RNGTT: variants seen among roughly 807,000 people sequenced by gnomAD.
RNGTT encodes the protein mRNA-capping enzyme.
A neutral mutation model predicts 79.3 loss-of-function variants in RNGTT; 33 were observed. The observed-to-expected ratio is 0.42, with a 90% CI of 0.32 to 0.56. RNGTT has a LOEUF of 0.56. Ranked by LOEUF, RNGTT falls within the 20% of genes least tolerant of loss-of-function variation. The probability of loss-of-function intolerance (pLI) is 0.17; values close to 1 mark genes in which losing one functional copy is unlikely to be tolerated. For synonymous variants in RNGTT, 222 were observed against 235.9 expected (o/e 0.94, Z 0.54); for missense variants, 497 against 739.1 (o/e 0.67, Z 3.80).
intron 13 of RNGTT, among the ~76,000 whole-genome samples, chr6:88,749,510 A>G (rs1777773983): frequency 6.6e-6 from 1 of 152,062 alleles, no homozygotes; most frequent in Admixed American, 6.6e-5. Flanking sequence ...AAAAGGCAAG[A>G]AAGAGGGAAA....
At position 88,735,579 on chromosome 6, in the gene RNGTT, AAAAG is replaced by A. The variant is rs1290023806; in HGVS notation, c.1439+34191_1439+34194del. Among the ~76,000 whole-genome samples, 646 of 151,550 alleles carry A rather than the reference AAAAG, an allele frequency of 4.3e-3. 2 individuals carry two copies. The highest frequency in any genetic ancestry group is 0.015 in the African/African-American group (610 of 41,442). On this transcript the variant is annotated intron_variant, in intron 13 of 15. Coordinates refer to ENST00000369485, the MANE Select transcript of RNGTT (RefSeq NM_003800.5). ...ATAACACGAGTGTTAAAAAAAAAAA[AAAAG>A]AAAGAAAGAAAAAGAAAAAGCAGTC... is the stretch of plus-strand genomic sequence containing the variant.
intron 1 of RNGTT, among the ~76,000 whole-genome samples, chr6:88,946,878 G>A (rs1451161225): frequency 1.5e-5 from 2 of 136,332 alleles, no homozygotes; most frequent in African/African-American, 2.8e-5. Flanking sequence ...GCCCCTAACC[G>A]CGAGTGATCC....
chr6:88,930,125 CACGTATACAT>C (rs1365016675), intron 2 of RNGTT, among the ~76,000 whole-genome samples: 1 of 136,878 alleles, frequency 7.3e-6, no homozygotes, highest in Non-Finnish European at 1.5e-5. Context: ...TACATATATA[CACGTATACAT>C]ACATATACAT....
chr6:88,959,638 A>G (rs1416308729), intron 1 of RNGTT, among the ~76,000 whole-genome samples: 2 of 152,176 alleles, frequency 1.3e-5, no homozygotes, highest in Non-Finnish European at 2.9e-5. Flanking sequence ...CCTGGACTAC[A>G]ACAAGTTCCT....
chr6:88,796,043 GC>G lies in RNGTT; in HGVS notation c.1338+5520del, dbSNP rs546692955. Among the ~76,000 whole-genome samples the G allele has an allele frequency of 7.7e-4, 117 of 152,096 alleles. 1 individual carries two copies. Among genetic ancestry groups the G allele is most frequent in the Non-Finnish European group, 1.3e-3 (89 of 68,030 alleles). On this transcript the variant is annotated intron_variant, in intron 12 of 15. Transcript: ENST00000369485. ...CCTGCACTATCTACTTACACACATGGCCACTGAGCACTTGAACAGTGGCAAG... is the reference window on the plus strand; with the variant it reads ...CCTGCACTATCTACTTACACACATGGCACTGAGCACTTGAACAGTGGCAAG...
intron 14 of RNGTT, among the ~76,000 whole-genome samples, chr6:88,671,039 G>T (rs144839945): frequency 0.02 from 3,102 of 152,162 alleles, 115 homozygotes; most frequent in African/African-American, 0.069. Context: ...CCTGAGAACT[G>T]GAATAAGACA....
At chr6:88,876,873 C>CT (rs1376781392) in intron 8 of RNGTT, among the ~76,000 whole-genome samples, 1 of 152,168 alleles carries the variant, frequency 6.6e-6, no homozygotes, top group Admixed American at 6.5e-5. Flanking sequence ...CTGCTCAGCT[C>CT]TAAGAGTTCT....
intron 8 of RNGTT, among the ~76,000 whole-genome samples, chr6:88,855,643 T>A (rs1282008726): frequency 6.6e-6 from 1 of 152,166 alleles, no homozygotes; most frequent in South Asian, 2.1e-4. Flanking sequence ...CTTGCTATAA[T>A]AGCTGCAGCC....
intron 14 of RNGTT, among the ~76,000 whole-genome samples, chr6:88,656,177 G>A (rs984803719): frequency 2.6e-5 from 4 of 152,098 alleles, no homozygotes; most frequent in African/African-American, 9.7e-5. Flanking sequence ...GCATATAAAG[G>A]TATAATGAAC....
At chr6:88,811,904 A>C (rs1191065778) in intron 11 of RNGTT, among the ~76,000 whole-genome samples, 1 of 152,052 alleles carries the variant, frequency 6.6e-6, no homozygotes, top group Non-Finnish European at 1.5e-5. Context: ...CACAAATCCA[A>C]GGTTTAGTTT....
At position 88,691,102 on chromosome 6, in the gene RNGTT, A is replaced by G. The variant is rs533431578; in HGVS notation, c.1440-12683T>C. Reference sequence around the variant, plus strand: ...ATCTCATGTCAAATTGTAATCCCCAATGTTGGAGGAGGGGCCTGGTGGGAG... The same window carrying G: ...ATCTCATGTCAAATTGTAATCCCCAGTGTTGGAGGAGGGGCCTGGTGGGAG... On this transcript the variant is annotated intron_variant, in intron 13 of 15. Coordinates refer to ENST00000369485, the MANE Select transcript of RNGTT (RefSeq NM_003800.5). Among the ~76,000 whole-genome samples, 31 of 152,202 alleles carry G rather than the reference A, an allele frequency of 2.0e-4. No homozygotes were observed. In the East Asian group the frequency reaches 5.4e-3, roughly 27 times the overall value.
Position 88,753,334 on chromosome 6 carries a change from T to A in RNGTT, c.1439+16440A>T, listed in dbSNP as rs142884340. ...GCCTAGGCAACACAGTGAGACCCTA[T>A]CTCTACAAAAATTTAAAAATTAGCC... On this transcript the variant is annotated intron_variant, in intron 13 of 15. Transcript: ENST00000369485. Among the ~76,000 whole-genome samples the A allele has an allele frequency of 7.1e-3, 1,070 of 151,772 alleles. 7 individuals carry two copies. The highest frequency in any genetic ancestry group is 0.013 in the Non-Finnish European group (857 of 67,912).
chr6:88,829,351 G>T (rs550971108), intron 11 of RNGTT, among the ~76,000 whole-genome samples: 3 of 152,240 alleles, frequency 2.0e-5, no homozygotes, highest in Non-Finnish European at 2.9e-5. Flanking sequence ...CACCAGGGCT[G>T]CCCTAAAAGA....
intron 13 of RNGTT, among the ~76,000 whole-genome samples, chr6:88,721,095 T>C (rs1184911015): frequency 6.6e-6 from 1 of 152,126 alleles, no homozygotes; most frequent in Non-Finnish European, 1.5e-5. Context: ...ACCCCTTAAA[T>C]ATAGGTGTTA....
At chr6:88,741,738 A>C (rs1280085020) in intron 13 of RNGTT, among the ~76,000 whole-genome samples, 1 of 152,192 alleles carries the variant, frequency 6.6e-6, no homozygotes, top group African/African-American at 2.4e-5. Context: ...TTAATGAGTA[A>C]TTAGATACAA....
intron 13 of RNGTT, among the ~76,000 whole-genome samples, chr6:88,761,873 T>A (rs1778270420): frequency 6.6e-6 from 1 of 152,182 alleles, no homozygotes; most frequent in Admixed American, 6.5e-5. Flanking sequence ...CTAAAGTGAT[T>A]GTTCTGGTAA....
At chr6:88,851,645 G>A (rs1781676467) in intron 9 of RNGTT, among the ~76,000 whole-genome samples, 1 of 151,998 alleles carries the variant, frequency 6.6e-6, no homozygotes, top group African/African-American at 2.4e-5. Flanking sequence ...ACATAGTTAA[G>A]CAAAGCAAAA....
chr6:88,894,620 T>C (rs1476539117), intron 6 of RNGTT, among the ~76,000 whole-genome samples: 1 of 152,228 alleles, frequency 6.6e-6, no homozygotes, highest in African/African-American at 2.4e-5. Flanking sequence ...ACAGCAGTAC[T>C]AGGCTAACTA....
intron 11 of RNGTT, among the ~76,000 whole-genome samples, chr6:88,803,235 T>A (rs868860126): frequency 6.6e-6 from 1 of 152,078 alleles, no homozygotes; most frequent in Non-Finnish European, 1.5e-5. Context: ...AGATCAGTAA[T>A]TGCCAGAGGC....
Sources: gnomAD v4.1 joint callset for allele counts (sites outside exome capture counted in the v4.1 genomes callset) on GRCh38, gnomAD v4.1.1 for gene constraint, MANE v1.5 for transcripts, NCBI Gene and HGNC (gene_info 2026-07-23, HGNC 2026-07-21) for gene names.